LAMC3: variants seen among roughly 807,000 people sequenced by gnomAD.
LAMC3 encodes the protein laminin subunit gamma-3.
In LAMC3, 128 loss-of-function variants were observed where a neutral mutation model predicts 173.8. That is an observed-to-expected ratio of 0.74 (90% CI 0.64 to 0.85). LAMC3 has a LOEUF of 0.85. LAMC3 is among the 40% of genes least tolerant of loss of function. The probability of loss-of-function intolerance (pLI) is 0.00; values close to 1 mark genes in which losing one functional copy is unlikely to be tolerated. For synonymous variants in LAMC3, 897 were observed against 909.1 expected (o/e 0.99, Z 0.24); for missense variants, 2,022 against 2,156.0 (o/e 0.94, Z 1.23).
intron 20 of LAMC3, 66 bp from the exon 21 acceptor site, chr9:131,075,765 T>C: frequency 1.3e-6 from 2 of 1,542,322 alleles, no homozygotes; most frequent in Non-Finnish European, 1.8e-6. Context: ...GTAGGGGGCG[T>C]AGTTCTGATC....
chr9:131,067,862 A>T (rs1054868169), intron 14 of LAMC3, among the ~76,000 whole-genome samples: 2 of 152,118 alleles, frequency 1.3e-5, no homozygotes, highest in African/African-American at 2.4e-5. Context: ...GTCTGTTACC[A>T]TGACCGTCCT....
At chr9:131,080,693 G>A (rs1288137567) in intron 23 of LAMC3, among the ~76,000 whole-genome samples, 1 of 152,050 alleles carries the variant, frequency 6.6e-6, no homozygotes, top group Admixed American at 6.6e-5. Flanking sequence ...CTTTGCCCCC[G>A]GGGTAGCACC....
At chr9:131,025,646 G>C (rs1417977164) in intron 1 of LAMC3, among the ~76,000 whole-genome samples, 1 of 152,144 alleles carries the variant, frequency 6.6e-6, no homozygotes, top group Non-Finnish European at 1.5e-5. Context: ...GCCCCTGGCT[G>C]TGGCCACCAG....
chr9:131,083,470 G>A (rs943006563), intron 24 of LAMC3, among the ~76,000 whole-genome samples: 4 of 152,024 alleles, frequency 2.6e-5, no homozygotes, highest in African/African-American at 9.7e-5. Flanking sequence ...CTGTGGAGCA[G>A]TCTTCCCCAG....
chr9:131,057,410 TC>T (rs1829704232), intron 12 of LAMC3, among the ~76,000 whole-genome samples: 1 of 152,202 alleles, frequency 6.6e-6, no homozygotes, highest in East Asian at 1.9e-4. Flanking sequence ...AGCCAGCTGC[TC>T]TGTGGGCCAT....
chr9:131,071,026 A>C (rs998111867), intron 17 of LAMC3, among the ~76,000 whole-genome samples: 1 of 152,212 alleles, frequency 6.6e-6, no homozygotes, highest in African/African-American at 2.4e-5. Context: ...GGGACATGGC[A>C]GGCATTTGTG....
chr9:131,025,092 G>A (rs1218233257), intron 1 of LAMC3, among the ~76,000 whole-genome samples: 1 of 152,254 alleles, frequency 6.6e-6, no homozygotes, highest in South Asian at 2.1e-4. Flanking sequence ...CCCGCTCTCA[G>A]TGTAGAAGCC....
intron 2 of LAMC3, 140 bp from the exon 3 acceptor site, chr9:131,031,905 C>T: frequency 6.9e-7 from 1 of 1,450,438 alleles, no homozygotes. Flanking sequence ...CTGCAGTGTT[C>T]TCAGAATTGG....
At position 131,026,716 on chromosome 9, in the gene LAMC3, C is replaced by G; in HGVS notation, c.678+127C>G. On this transcript the variant is annotated intron_variant, in intron 2 of 27. Coordinates refer to ENST00000361069, the MANE Select transcript of LAMC3 (RefSeq NM_006059.4). The surrounding 1 kb of genome is among the most constrained non-coding windows in gnomAD (Gnocchi z 4.8). ...AAAACCCCATGGTTTTCTTTTTCTTCTTTTATTTTTGGAGACTGAGTCTTG... is the reference window on the plus strand; with the variant it reads ...AAAACCCCATGGTTTTCTTTTTCTTGTTTTATTTTTGGAGACTGAGTCTTG... 2.1e-6 allele frequency: 3 copies of G among 1,409,808 alleles called. No homozygotes were observed. The highest frequency in any genetic ancestry group is 2.8e-6 in the Non-Finnish European group (3 of 1,078,910). 87.3% of individuals were successfully genotyped at this position (1,409,808 alleles called of 1,614,324 possible). A position where few individuals can be genotyped will look rare whatever the true frequency, so the allele number is the denominator to read the frequency against.
At chr9:131,063,769 C>A (rs1429060310) in intron 13 of LAMC3, among the ~76,000 whole-genome samples, 1 of 152,204 alleles carries the variant, frequency 6.6e-6, no homozygotes, top group African/African-American at 2.4e-5. Context: ...GTTTCAATCT[C>A]CCCCTTTCCT....
intron 13 of LAMC3, among the ~76,000 whole-genome samples, chr9:131,065,054 A>AG (rs1409086304): frequency 7.1e-6 from 1 of 141,282 alleles, no homozygotes; most frequent in South Asian, 2.4e-4. Flanking sequence ...AAAAAAAAAA[A>AG]AAAAAGAAAA....
chr9:131,064,645 A>C (rs748990793), intron 13 of LAMC3, among the ~76,000 whole-genome samples: 368 of 146,884 alleles, frequency 2.5e-3, no homozygotes, highest in Non-Finnish European at 3.9e-3. Context: ...GCCTGGGTGA[A>C]AGAGCGAGAC....
At chr9:131,085,868 G>A (rs1021816163) in intron 25 of LAMC3, 145 bp downstream of exon 25, 15 of 776,332 alleles carry the variant, frequency 1.9e-5, no homozygotes, top group Admixed American at 6.0e-5. Flanking sequence ...GAGACTTCAC[G>A]GGGGTGAGTC....
In LAMC3 at chr9:131,009,335, A is replaced by G; in HGVS notation, c.121A>G (p.Asn41Asp). The G allele has an allele frequency of 6.7e-7, 1 of 1,490,670 alleles. No individual in the cohort carries two copies. The highest frequency in any genetic ancestry group is 1.3e-5 in the South Asian group (1 of 79,050). 92.3% of individuals were successfully genotyped at this position (1,490,670 alleles called of 1,614,324 possible). A position where few individuals can be genotyped will look rare whatever the true frequency, so the allele number is the denominator to read the frequency against. ...GCAGCGCTGCCTGCCGGTGTTCGAG[A>G]ACGCGGCGTTTGGGCGGCTCGCCCA... is the stretch of plus-strand genomic sequence containing the variant. ...RPQRCLPVFE[N>D]AAFGRLAQAS... Residue 41 changes from asparagine to aspartate, a missense_variant, in exon 1 of 28, where the codon AAC becomes GAC. Asn to Asp is a conservative substitution (Grantham distance 23). Coordinates refer to ENST00000361069, the MANE Select transcript of LAMC3 (RefSeq NM_006059.4). The surrounding 1 kb of genome is among the most constrained non-coding windows in gnomAD (Gnocchi z 4.3).
chr9:131,090,656 C>T (rs934471006), intron 27 of LAMC3, among the ~76,000 whole-genome samples: 6 of 151,906 alleles, frequency 3.9e-5, no homozygotes, highest in African/African-American at 1.5e-4. Flanking sequence ...TTTGGGAGGC[C>T]AAGGCGGGTG....
At chr9:131,074,217 G>A (rs1830084645) in intron 20 of LAMC3, among the ~76,000 whole-genome samples, 1 of 151,066 alleles carries the variant, frequency 6.6e-6, no homozygotes, top group South Asian at 2.1e-4. Context: ...CAAAGTGCTG[G>A]GATTACAGGC....
chr9:131,077,166 G>T (rs773141496), intron 21 of LAMC3, 21 bp from the exon 22 acceptor site: 8 of 1,612,496 alleles, frequency 5.0e-6, no homozygotes, highest in Non-Finnish European at 6.8e-6. Context: ...ACCCAGCTCC[G>T]TGGCCTCTGC....
chr9:131,056,171 G>A (rs1216786213), intron 11 of LAMC3, among the ~76,000 whole-genome samples: 1 of 152,024 alleles, frequency 6.6e-6, no homozygotes, highest in Non-Finnish European at 1.5e-5. Context: ...ACTCCAGCCT[G>A]AGTGACAGAG....
In LAMC3 at chr9:131,075,971, G is replaced by T. The variant is rs1401642857; in HGVS notation, c.3629+6G>T. 6.2e-7 allele frequency: 1 copy of T among 1,603,378 alleles called. No individual in the cohort carries two copies. ...CAGCGGGACCTGGAGGACAGGTGAG[G>T]CCTCCCCAGGTGTGGGTAGAAACTT... On this transcript the variant is annotated splice_donor_region_variant and intron_variant, in intron 21 of 27. Coordinates refer to ENST00000361069, the MANE Select transcript of LAMC3 (RefSeq NM_006059.4).
Sources: allele counts gnomAD v4.1 joint callset (sites outside exome capture counted in the v4.1 genomes callset), GRCh38; gene constraint gnomAD v4.1.1; non-coding constraint Gnocchi (gnomAD v3.1); transcripts MANE v1.5; gene names NCBI Gene and HGNC (gene_info 2026-07-23, HGNC 2026-07-21).